The following PTPRT variants were observed in gnomAD, a reference collection of about 807,000 sequenced individuals.
PTPRT encodes the protein receptor-type tyrosine-protein phosphatase T.
PTPRT carries 56 observed loss-of-function variants against 176.8 expected under a neutral mutation model. That is an observed-to-expected ratio of 0.32 (90% confidence interval 0.26 to 0.40). The LOEUF (loss-of-function observed/expected upper bound fraction) is 0.40. PTPRT is among the 10% of genes least tolerant of loss of function. PTPRT has a pLI of 1.00. For missense variants in PTPRT, 1,540 were observed against 1,908.2 expected (o/e 0.81, Z 3.60); for synonymous variants, 783 against 739.0 (o/e 1.06, Z -0.96).
At chr20:43,004,846 T>G (rs1305294271) in intron 1 of PTPRT, among the ~76,000 whole-genome samples, 1 of 152,218 alleles carries the variant, frequency 6.6e-6, no homozygotes. Context: ...TTATTTCAGA[T>G]CCAAGGCTAA....
chr20:42,928,620 G>A (rs909896672), intron 1 of PTPRT, among the ~76,000 whole-genome samples: 3 of 152,064 alleles, frequency 2.0e-5, no homozygotes, highest in Admixed American at 6.6e-5. Flanking sequence ...AATTGCCCAG[G>A]GATCCAAGAA....
intron 2 of PTPRT, among the ~76,000 whole-genome samples, chr20:42,849,638 T>C (rs1474040883): frequency 1.3e-5 from 2 of 152,184 alleles, no homozygotes; most frequent in African/African-American, 4.8e-5. Flanking sequence ...CCCAGCTCCA[T>C]TATTATTACA....
At chr20:42,568,185 T>G (rs1432171614) in intron 7 of PTPRT, among the ~76,000 whole-genome samples, 1 of 152,070 alleles carries the variant, frequency 6.6e-6, no homozygotes, top group Non-Finnish European at 1.5e-5. Context: ...GGCAAGCTGG[T>G]TTTGAACTCC....
intron 1 of PTPRT, among the ~76,000 whole-genome samples, chr20:43,036,950 T>C (rs1325980446): frequency 1.3e-5 from 2 of 152,230 alleles, no homozygotes; most frequent in Non-Finnish European, 2.9e-5. Flanking sequence ...TGAAATTTTC[T>C]AAGTGATAGG....
chr20:42,052,980 C>T, the PTPRT span, among the ~76,000 whole-genome samples: 1 of 152,172 alleles, frequency 6.6e-6, no homozygotes, highest in African/African-American at 2.4e-5. Context: ...GTCATAGGGT[C>T]TCTGTTGCAA....
intron 2 of PTPRT, among the ~76,000 whole-genome samples, chr20:42,883,425 G>A (rs1024538218): frequency 2.6e-5 from 4 of 151,958 alleles, no homozygotes; most frequent in Non-Finnish European, 5.9e-5. Flanking sequence ...ATGGCCCCCC[G>A]GTTTCTGAAT....
chr20:42,182,907 G>GGTGTGTGTGTGTGTGT (rs10608197), intron 16 of PTPRT, among the ~76,000 whole-genome samples: 12 of 144,706 alleles, frequency 8.3e-5, no homozygotes, highest in South Asian at 4.6e-4. Context: ...TACAAGCAGG[G>GGTGTGTGTGTGTGTGT]GTGTGTGTGT....
chr20:42,777,473 C>G (rs1159950213), intron 4 of PTPRT, among the ~76,000 whole-genome samples: 1 of 152,138 alleles, frequency 6.6e-6, no homozygotes, highest in East Asian at 1.9e-4. Context: ...ACCACTATAT[C>G]CAAGCAGCCC....
chr20:42,322,916 A>G (rs1282643822), intron 11 of PTPRT, among the ~76,000 whole-genome samples: 1 of 152,112 alleles, frequency 6.6e-6, no homozygotes, highest in African/African-American at 2.4e-5. Flanking sequence ...TTTACAAGAA[A>G]AAAACTAACA....
chr20:42,333,457 G>A lies in PTPRT; in HGVS notation c.1865+17171C>T, dbSNP rs1333429438. On this transcript the variant is annotated intron_variant, in intron 11 of 30. Coordinates refer to ENST00000373187, the MANE Select transcript of PTPRT (RefSeq NM_007050.6). ...AGCAATTCTCCTGCCTCAGCCTCCC[G>A]AGTAGCTGGGACTACAGGCACAGGT... Among the ~76,000 whole-genome samples the A allele has an allele frequency of 2.6e-5, 4 of 152,024 alleles. No individual in the cohort carries two copies. The East Asian group carries it at 7.8e-4, about 30-fold the overall frequency.
intron 9 of PTPRT, among the ~76,000 whole-genome samples, chr20:42,391,124 A>T (rs2058795672): frequency 6.6e-6 from 1 of 152,192 alleles, no homozygotes; most frequent in Admixed American, 6.5e-5. Flanking sequence ...TTTTAGAGGA[A>T]AGAGGGAGGA....
At chr20:43,152,762 A>T (rs1309592901) in intron 1 of PTPRT, among the ~76,000 whole-genome samples, 1 of 152,204 alleles carries the variant, frequency 6.6e-6, no homozygotes, top group African/African-American at 2.4e-5. Context: ...AAATCTGCAC[A>T]AGTGACAAGT....
intron 11 of PTPRT, among the ~76,000 whole-genome samples, chr20:42,328,096 C>A (rs939844098): frequency 1.3e-5 from 2 of 151,974 alleles, no homozygotes; most frequent in Non-Finnish European, 2.9e-5. Flanking sequence ...TTATATGATG[C>A]CTTATAAGTA....
At chr20:42,778,313 G>A (rs569435882) in intron 4 of PTPRT, among the ~76,000 whole-genome samples, 22 of 152,304 alleles carry the variant, frequency 1.4e-4, no homozygotes, top group Non-Finnish European at 2.6e-4. Flanking sequence ...GGCCTTGAAG[G>A]TAGTTACGGC....
chr20:42,607,171 G>T (rs1189571936), intron 7 of PTPRT, among the ~76,000 whole-genome samples: 6 of 150,056 alleles, frequency 4.0e-5, no homozygotes, highest in African/African-American at 1.5e-4. Context: ...TAGAATGGTG[G>T]CTACCAGGGG....
intron 2 of PTPRT, among the ~76,000 whole-genome samples, chr20:42,840,466 G>A (rs1439663957): frequency 6.6e-6 from 1 of 152,084 alleles, no homozygotes; most frequent in Non-Finnish European, 1.5e-5. Context: ...AGGCTGGAGT[G>A]CAATGGTGCG....
At chr20:42,399,676 A>G (rs934508513) in intron 9 of PTPRT, among the ~76,000 whole-genome samples, 7 of 152,278 alleles carry the variant, frequency 4.6e-5, no homozygotes, top group African/African-American at 1.7e-4. Context: ...GCTCAGACTC[A>G]TTTTGAGGAA....
chr20:42,115,871 G>T (rs1023783385), intron 21 of PTPRT, among the ~76,000 whole-genome samples: 5 of 152,180 alleles, frequency 3.3e-5, no homozygotes, highest in Admixed American at 6.5e-5. Context: ...AAGGAGAAAG[G>T]CTCTTGGTTG....
At chr20:43,021,886 C>T (rs1048812825) in intron 1 of PTPRT, among the ~76,000 whole-genome samples, 4 of 151,468 alleles carry the variant, frequency 2.6e-5, no homozygotes, top group Non-Finnish European at 4.4e-5. Context: ...AATTCTCTAT[C>T]CACATAGTGT....
Sources: gnomAD v4.1 joint callset for allele counts (sites outside exome capture counted in the v4.1 genomes callset) on GRCh38, gnomAD v4.1.1 for gene constraint, MANE v1.5 for transcripts, NCBI Gene and HGNC (gene_info 2026-07-23, HGNC 2026-07-21) for gene names.